CCSER2: variants seen among roughly 807,000 people sequenced by gnomAD.
The protein encoded by CCSER2 is coiled-coil serine rich protein 2, also known as serine-rich coiled-coil domain-containing protein 2.
A neutral mutation model predicts 92.3 loss-of-function variants in CCSER2; 46 were observed. That is an observed-to-expected ratio of 0.50 (90% CI 0.39 to 0.64). CCSER2 has a LOEUF of 0.64. Among genes scored for constraint, CCSER2 ranks in the 30% least tolerant of loss-of-function variants. The probability of loss-of-function intolerance (pLI) is 0.00; values close to 1 mark genes in which losing one functional copy is unlikely to be tolerated. For missense variants in CCSER2, 1,244 were observed against 1,238.9 expected, an observed-to-expected ratio of 1.00 and a Z score of -0.06; for synonymous variants, 433 against 431.4, an observed-to-expected ratio of 1.00 and a Z score of -0.04.
chr10:84,480,140 G>A (rs919564046), intron 9 of CCSER2, among the ~76,000 whole-genome samples: 6 of 152,058 alleles, frequency 3.9e-5, no homozygotes, highest in African/African-American at 1.4e-4. Flanking sequence ...GACCTCCTGG[G>A]CTCAAGTGAT....
intron 7 of CCSER2, among the ~76,000 whole-genome samples, chr10:84,469,002 A>G (rs1432250721): frequency 1.3e-5 from 2 of 152,198 alleles, no homozygotes; most frequent in Non-Finnish European, 1.5e-5. Flanking sequence ...ACATTTTACC[A>G]GTTATATGTA....
intron 1 of CCSER2, among the ~76,000 whole-genome samples, chr10:84,347,986 G>A (rs1844624196): frequency 6.6e-6 from 1 of 152,226 alleles, no homozygotes; most frequent in Admixed American, 6.5e-5. Flanking sequence ...GCCGGGCAGA[G>A]GGGCTCCTTG....
intron 1 of CCSER2, among the ~76,000 whole-genome samples, chr10:84,361,941 C>T (rs1385023390): frequency 6.6e-6 from 1 of 152,098 alleles, no homozygotes; most frequent in Non-Finnish European, 1.5e-5. Flanking sequence ...TGCCTGGCCT[C>T]ACTAACATTT....
At chr10:84,488,985 T>TTTC (rs1366264144) in intron 9 of CCSER2, among the ~76,000 whole-genome samples, 4 of 152,218 alleles carry the variant, frequency 2.6e-5, no homozygotes, top group Admixed American at 2.0e-4. Flanking sequence ...TCTGCCTTCA[T>TTTC]TTCGTTATGT....
Position 84,347,082 on chromosome 10 carries a change from G to A in CCSER2, c.-40+18274G>A, listed in dbSNP as rs184059966. On this transcript the variant is annotated intron_variant, in intron 1 of 9. Transcript: ENST00000372088. ...GAGTGGACACAGCACATGTTTCAGAGGGCACATGGTTGCGGGTAAGGTCAT... is the reference window on the plus strand; with the variant it reads ...GAGTGGACACAGCACATGTTTCAGAAGGCACATGGTTGCGGGTAAGGTCAT... Among the ~76,000 whole-genome samples, 5 of 152,254 alleles carry A rather than the reference G, an allele frequency of 3.3e-5. No individual in the cohort carries two copies. In the East Asian group the frequency reaches 9.6e-4, roughly 29 times the overall value.
chr10:84,417,283 G>A (rs916706569), intron 3 of CCSER2, among the ~76,000 whole-genome samples: 2 of 152,098 alleles, frequency 1.3e-5, no homozygotes, highest in Non-Finnish European at 2.9e-5. Context: ...GTCAAGCCAA[G>A]GAGGTGACAG....
intron 1 of CCSER2, among the ~76,000 whole-genome samples, chr10:84,355,632 A>G (rs192223789): frequency 3.2e-4 from 48 of 152,244 alleles, no homozygotes; most frequent in East Asian, 2.3e-3. Context: ...CACAACCTCT[A>G]TCTTAGAGCC....
chr10:84,335,226 C>CTTTTTTTTTTTTT (rs879479939), intron 1 of CCSER2, among the ~76,000 whole-genome samples: 1 of 95,070 alleles, frequency 1.1e-5, no homozygotes, highest in Admixed American at 1.3e-4. Flanking sequence ...TTCTCTCTCT[C>CTTTTTTTTTTTTT]TCTTTTTTTT....
chr10:84,493,336 C>T (rs1372454531), intron 9 of CCSER2, among the ~76,000 whole-genome samples: 3 of 152,076 alleles, frequency 2.0e-5, no homozygotes, highest in Non-Finnish European at 2.9e-5. Flanking sequence ...AATTTACCTT[C>T]TCTCTTTTTC....
At chr10:84,426,831 A>G (rs1843461707) in intron 5 of CCSER2, among the ~76,000 whole-genome samples, 1 of 152,250 alleles carries the variant, frequency 6.6e-6, no homozygotes, top group Non-Finnish European at 1.5e-5. Flanking sequence ...TACGCATAAG[A>G]TAAAGGATGT....
At chr10:84,511,586 A>G (rs950960038) in intron 9 of CCSER2, among the ~76,000 whole-genome samples, 6 of 152,242 alleles carry the variant, frequency 3.9e-5, no homozygotes, top group Non-Finnish European at 8.8e-5. Context: ...TTAACTTGGA[A>G]CTAGAATATC....
At chr10:84,450,994 A>G (rs1589699619) in intron 6 of CCSER2, among the ~76,000 whole-genome samples, 2 of 152,190 alleles carry the variant, frequency 1.3e-5, no homozygotes, top group South Asian at 2.1e-4. Flanking sequence ...TACAGATTTA[A>G]TACAGTTTCA....
chr10:84,417,635 C>G (rs1337959118), intron 3 of CCSER2, 136 bp from the exon 4 acceptor site: 1 of 459,382 alleles, frequency 2.2e-6, no homozygotes, highest in African/African-American at 2.0e-5. Flanking sequence ...TTTTAAAAAA[C>G]TTGAAAACCT....
chr10:84,513,404 G>A (rs762001539), intron 9 of CCSER2, 45 bp from the exon 10 acceptor site: 6 of 1,415,252 alleles, frequency 4.2e-6, no homozygotes, highest in Non-Finnish European at 5.8e-6. Flanking sequence ...AATCTGGGTG[G>A]AATTTCTAAG....
At position 84,362,084 on chromosome 10, in the gene CCSER2, C is replaced by A. The variant is rs568447626; in HGVS notation, c.-39-8930C>A. Among the ~76,000 whole-genome samples, 61 of 152,274 alleles carry A rather than the reference C, an allele frequency of 4.0e-4. 1 individual carries two copies. In the South Asian group the frequency reaches 0.012, roughly 31 times the overall value. On this transcript the variant is annotated intron_variant, in intron 1 of 9. Transcript: ENST00000372088. ...TCTGGTGAATCAAACCCAGTATGTG[C>A]CATTAGTGAATTTATGGCCTAGTAG...
Position 84,514,332 on chromosome 10 carries a change from C to A in CCSER2, c.*65C>A. On this transcript the variant is annotated 3_prime_UTR_variant, in exon 10 of 10. Coordinates refer to ENST00000372088, the MANE Select transcript of CCSER2 (RefSeq NM_001284240.2). ...ATCTCTTCTGTAATAGCTTTATGTG[C>A]AGCTTGCAGCTTGCTACTGTGGTGG... 9.3e-7 allele frequency: 1 copy of A among 1,072,068 alleles called. No homozygotes were observed. The highest frequency in any genetic ancestry group is 1.3e-6 in the Non-Finnish European group (1 of 757,402). The allele number at this position is 1,072,068 out of a possible 1,614,324, so 66.4% of individuals were successfully genotyped here.
At chr10:84,433,920 A>G (rs1016410712) in intron 5 of CCSER2, among the ~76,000 whole-genome samples, 3 of 152,066 alleles carry the variant, frequency 2.0e-5, no homozygotes, top group Admixed American at 1.3e-4. Flanking sequence ...ATTTCTTCAT[A>G]TTTACCTGCC....
intron 5 of CCSER2, among the ~76,000 whole-genome samples, chr10:84,428,985 G>GTATATATATATATATATATA (rs60243946): frequency 3.4e-4 from 48 of 140,876 alleles, no homozygotes; most frequent in Non-Finnish European, 5.2e-4. Flanking sequence ...GTGTGTATGT[G>GTATATATATATATATATATA]TATATATATA....
chr10:84,423,113 T>G (rs564670819), intron 4 of CCSER2, among the ~76,000 whole-genome samples: 1 of 152,328 alleles, frequency 6.6e-6, no homozygotes, highest in South Asian at 2.1e-4. Flanking sequence ...GTAATTTTGT[T>G]TGCTTTCTCA....
Sources: allele counts gnomAD v4.1 joint callset (sites outside exome capture counted in the v4.1 genomes callset), GRCh38; gene constraint gnomAD v4.1.1; transcripts MANE v1.5; gene names NCBI Gene and HGNC (gene_info 2026-07-23, HGNC 2026-07-21).